EGFR: variants seen among roughly 807,000 people sequenced by gnomAD.
EGFR encodes epidermal growth factor receptor.
Under a neutral mutation model 143.0 loss-of-function variants are expected in EGFR, and 58 were observed. The observed-to-expected ratio is 0.41, with a 90% confidence interval of 0.33 to 0.50. EGFR has a LOEUF of 0.50. Ranked by LOEUF, EGFR falls within the 20% of genes least tolerant of loss-of-function variation. EGFR has a pLI of 0.39. For missense variants in EGFR, 1,307 were observed against 1,579.0 expected (o/e 0.83, Z 2.92); for synonymous variants, 613 against 594.4 (o/e 1.03, Z -0.45).
At chr7:55,202,156 T>A (rs2128972800) in intron 26 of EGFR, among the ~76,000 whole-genome samples, 1 of 152,360 alleles carries the variant, frequency 6.6e-6, no homozygotes, top group Middle Eastern at 3.4e-3. Flanking sequence ...ACTAGCCACA[T>A]GTGGCTACTT....
At chr7:55,159,903 C>G (rs1011559475) in intron 11 of EGFR, among the ~76,000 whole-genome samples, 1 of 152,156 alleles carries the variant, frequency 6.6e-6, no homozygotes, top group African/African-American at 2.4e-5. Context: ...TATTCATCCT[C>G]CCCATCTGCC....
intron 1 of EGFR, among the ~76,000 whole-genome samples, chr7:55,066,885 T>G (rs1789537584): frequency 6.6e-6 from 1 of 152,246 alleles, no homozygotes; most frequent in African/African-American, 2.4e-5. Context: ...TGATTTCATA[T>G]AGATATTCCA....
intron 1 of EGFR, among the ~76,000 whole-genome samples, chr7:55,086,868 AC>A (rs1247050950): frequency 5.3e-5 from 8 of 151,060 alleles, no homozygotes; most frequent in Admixed American, 4.6e-4. Flanking sequence ...TTTTTTCTCC[AC>A]CCCCTCGTGC....
chr7:55,085,437 G>A (rs144597812), intron 1 of EGFR, among the ~76,000 whole-genome samples: 178 of 152,354 alleles, frequency 1.2e-3, no homozygotes, highest in East Asian at 4.0e-3. Context: ...CAGGGTGGGC[G>A]TCAGACCCCA....
At chr7:55,189,770 A>G (rs762772958) in intron 20 of EGFR, among the ~76,000 whole-genome samples, 9 of 152,236 alleles carry the variant, frequency 5.9e-5, no homozygotes, top group Non-Finnish European at 1.0e-4. Flanking sequence ...TGAAGAACGA[A>G]CAGGGTAGAA....
rs567731771 is a variant in EGFR at position 55,058,622 on chromosome 7, G to A, written c.88+39257G>A. 5.0e-4 allele frequency among the ~76,000 whole-genome samples: 76 copies of A among 152,188 alleles called. 1 individual carries two copies. Among genetic ancestry groups the A allele is most frequent in the African/African-American group, 1.4e-3 (60 of 41,522 alleles). ...GAATAAGAAAAGAAAACAAAATACCGCATGTTATCACTTATAAGTGGGAGG... is the reference window on the plus strand; with the variant it reads ...GAATAAGAAAAGAAAACAAAATACCACATGTTATCACTTATAAGTGGGAGG... On this transcript the variant is annotated intron_variant, in intron 1 of 27. Coordinates refer to ENST00000275493, the MANE Select transcript of EGFR (RefSeq NM_005228.5).
chr7:55,044,388 A>G (rs1459577359), intron 1 of EGFR, among the ~76,000 whole-genome samples: 1 of 152,228 alleles, frequency 6.6e-6, no homozygotes, highest in Non-Finnish European at 1.5e-5. Context: ...CTTTGAAATA[A>G]TGTTGTTTGT....
At chr7:55,139,378 C>A (rs1188727492) in intron 1 of EGFR, among the ~76,000 whole-genome samples, 6 of 152,116 alleles carry the variant, frequency 3.9e-5, no homozygotes, top group Admixed American at 3.3e-4. Flanking sequence ...TAAATTTTCT[C>A]ATTGCTTTAT....
At position 55,165,300 on chromosome 7, in the gene EGFR, G is replaced by C. The variant is rs1436875559; in HGVS notation, c.1743G>C (p.Gln581His). Residue 581 changes from glutamine to histidine, a missense_variant, in exon 15 of 28, where the codon CAG (glutamine) becomes CAC (histidine). Physicochemically the swap from Gln to His is conservative, Grantham distance 24 (BLOSUM62 0). This residue lies in a region of EGFR where 250 missense variants were observed against 295.1 expected (regional missense o/e 0.85). Coordinates refer to ENST00000275493, the MANE Select transcript of EGFR (RefSeq NM_005228.5). ...CTGRGPDNCI[Q>H]CAHYIDGPHC... ...TGCAGGGACCAGACAACTGTATCCA[G>C]TGTGCCCACTACATTGACGGCCCCC... is the stretch of plus-strand genomic sequence containing the variant. 1 of 1,614,194 alleles carries C rather than the reference G, an allele frequency of 6.2e-7. No homozygotes were observed. The highest frequency in any genetic ancestry group is 8.5e-7 in the Non-Finnish European group (1 of 1,180,036).
intron 15 of EGFR, among the ~76,000 whole-genome samples, chr7:55,167,700 G>A (rs1463094000): frequency 1.3e-5 from 2 of 152,130 alleles, no homozygotes; most frequent in Non-Finnish European, 2.9e-5. Context: ...TGGTGGCGAT[G>A]ATGGTGGTGA....
chr7:55,072,888 T>A (rs1789917189), intron 1 of EGFR, among the ~76,000 whole-genome samples: 1 of 152,234 alleles, frequency 6.6e-6, no homozygotes, highest in East Asian at 1.9e-4. Context: ...TTTCATGATT[T>A]CTTTTTAGGT....
At chr7:55,095,506 C>T (rs1343515877) in intron 1 of EGFR, among the ~76,000 whole-genome samples, 3 of 152,206 alleles carry the variant, frequency 2.0e-5, no homozygotes, top group Non-Finnish European at 4.4e-5. Context: ...CAGCTCCCTG[C>T]CCAGGGCAGC....
chr7:55,111,516 G>T (rs759158), intron 1 of EGFR, among the ~76,000 whole-genome samples: 84,370 of 151,932 alleles, frequency 0.56, 25,176 homozygotes, highest in East Asian at 0.99. Context: ...GTATTAGGGG[G>T]TTTTAAATTG....
At chr7:55,083,100 C>A (rs944068482) in intron 1 of EGFR, among the ~76,000 whole-genome samples, 1 of 152,196 alleles carries the variant, frequency 6.6e-6, no homozygotes, top group Non-Finnish European at 1.5e-5. Flanking sequence ...ATTTCAACTC[C>A]ATTACATCTT....
chr7:55,166,944 A>AGTGTTGGTGG (rs1786052421), intron 15 of EGFR, among the ~76,000 whole-genome samples: 1 of 111,264 alleles, frequency 9.0e-6, no homozygotes, highest in African/African-American at 3.7e-5. Context: ...GGTGATGGTG[A>AGTGTTGGTGG]TGAGGAGGTG....
chr7:55,059,499 G>A (rs189920927), intron 1 of EGFR, among the ~76,000 whole-genome samples: 1 of 152,150 alleles, frequency 6.6e-6, no homozygotes, highest in East Asian at 1.9e-4. Context: ...GGTTGCGTTA[G>A]GGGTCATTCT....
In EGFR at chr7:55,172,994, C is replaced by G. The variant is rs770443325; in HGVS notation, c.1931C>G (p.Pro644Arg). Reference sequence around the variant, plus strand: ...CCACCTCATTCCAGGCCTAAGATCCCGTCCATCGCCACTGGGATGGTGGGG... The same window carrying G: ...CCACCTCATTCCAGGCCTAAGATCCGGTCCATCGCCACTGGGATGGTGGGG... ...EGCPTNGPKI[P>R]SIATGMVGAL... The change falls in exon 17 of 28, where the codon CCG becomes CGG. Residue 644 changes from proline to arginine, a missense_variant. Transcript: ENST00000275493. 1.1e-5 allele frequency: 18 copies of G among 1,614,076 alleles called. No homozygotes were observed. Among genetic ancestry groups the G allele is most frequent in the Non-Finnish European group, 1.4e-5 (16 of 1,180,054 alleles).
At chr7:55,097,547 C>A (rs1419800655) in intron 1 of EGFR, among the ~76,000 whole-genome samples, 1 of 152,216 alleles carries the variant, frequency 6.6e-6, no homozygotes, top group East Asian at 1.9e-4. Context: ...TAACAGTGCA[C>A]TGGCAGTGTC....
rs1788218409 is a variant in EGFR at position 55,210,707 on chromosome 7, T to A, written c.*5090T>A. 6.6e-6 allele frequency: 1 copy of A among 152,180 alleles called. No homozygotes were observed. Among genetic ancestry groups the A allele is most frequent in the Non-Finnish European group, 1.5e-5 (1 of 68,024 alleles). The allele number at this position is 152,180 out of a possible 1,614,324, so 9.4% of individuals were successfully genotyped here. Reference sequence around the variant, plus strand: ...TCTCCAAGCACTAGAAGGGAGAGTGTCTAAACAATGGTTGAAAAGCAAAGG... The same window carrying A: ...TCTCCAAGCACTAGAAGGGAGAGTGACTAAACAATGGTTGAAAAGCAAAGG... On this transcript the variant is annotated 3_prime_UTR_variant, in exon 28 of 28. Coordinates refer to ENST00000275493, the MANE Select transcript of EGFR (RefSeq NM_005228.5).
Sources: gnomAD v4.1 joint callset for allele counts (sites outside exome capture counted in the v4.1 genomes callset) on GRCh38, gnomAD v4.1.1 for gene constraint, gnomAD v4.1.1 regional missense constraint, MANE v1.5 for transcripts, NCBI Gene and HGNC (gene_info 2026-07-23, HGNC 2026-07-21) for gene names.